RANBP2: variants seen among roughly 807,000 people sequenced by gnomAD.
The protein encoded by RANBP2 is E3 SUMO-protein ligase RanBP2.
A neutral mutation model predicts 303.6 loss-of-function variants in RANBP2; 57 were observed. That is an observed-to-expected ratio of 0.19 (90% CI 0.15 to 0.23). RANBP2 has a LOEUF of 0.23. Ranked by LOEUF, RANBP2 falls within the 10% of genes least tolerant of loss-of-function variation. The pLI, the probability that RANBP2 is intolerant of heterozygous loss-of-function variation, is 1.00. For missense variants in RANBP2, 3,138 were observed against 3,780.8 expected, an observed-to-expected ratio of 0.83 and a Z score of 4.46; for synonymous variants, 1,167 against 1,301.5, an observed-to-expected ratio of 0.90 and a Z score of 2.23.
chr2:109,505,913 G>T, the RANBP2 span, among the ~76,000 whole-genome samples: 1 of 152,202 alleles, frequency 6.6e-6, no homozygotes, highest in African/African-American at 2.4e-5. Context: ...TGGAGAGGGT[G>T]CCTGGCAGGC....
At chr2:109,433,996 C>T in the RANBP2 span, among the ~76,000 whole-genome samples, 1 of 152,084 alleles carries the variant, frequency 6.6e-6, no homozygotes, top group African/African-American at 2.4e-5. Context: ...GTGTGCGCAG[C>T]CCCGAAGAAG....
chr2:109,585,208 C>T, the RANBP2 span: 1 of 1,612,708 alleles, frequency 6.2e-7, no homozygotes, highest in South Asian at 1.1e-5. Flanking sequence ...TCCTGGAGTT[C>T]ATATGTCTGA....
downstream of RANBP2, among the ~76,000 whole-genome samples, chr2:108,787,222 T>G (rs1436796457): frequency 2.0e-5 from 3 of 152,250 alleles, no homozygotes; most frequent in African/African-American, 7.2e-5. Flanking sequence ...AACAATTGAA[T>G]TGCTTTTTAA....
chr2:109,357,250 C>T, the RANBP2 span, among the ~76,000 whole-genome samples: 966 of 151,898 alleles, frequency 6.4e-3, 10 homozygotes, highest in East Asian at 0.047. Flanking sequence ...GGCACGATCT[C>T]GGCTTGCTGC....
At chr2:109,530,640 G>T in the RANBP2 span, among the ~76,000 whole-genome samples, 1 of 152,220 alleles carries the variant, frequency 6.6e-6, no homozygotes, top group Admixed American at 6.5e-5. Flanking sequence ...AGCCGAGGGG[G>T]CATGTGCTGT....
the RANBP2 span, among the ~76,000 whole-genome samples, chr2:109,069,935 T>C: frequency 6.6e-6 from 1 of 152,242 alleles, no homozygotes; most frequent in Non-Finnish European, 1.5e-5. Context: ...AGCACAGGAA[T>C]AAGCAGTGTA....
chr2:109,646,083 C>T, the RANBP2 span, among the ~76,000 whole-genome samples: 6 of 152,166 alleles, frequency 3.9e-5, no homozygotes, highest in South Asian at 2.1e-4. Flanking sequence ...TTCCCTCCTC[C>T]GGCATTTGGT....
the RANBP2 span, among the ~76,000 whole-genome samples, chr2:109,587,165 T>A: frequency 6.6e-6 from 1 of 152,138 alleles, no homozygotes; most frequent in East Asian, 1.9e-4. Context: ...TGACGGGGAA[T>A]TACAGAAAGA....
the RANBP2 span, among the ~76,000 whole-genome samples, chr2:109,142,042 CT>C: frequency 8.9e-6 from 1 of 112,886 alleles, no homozygotes; most frequent in Non-Finnish European, 2.2e-5. Context: ...CTTGAGTCTC[CT>C]GGGGGGGGGG....
At chr2:108,921,255 C>A in the RANBP2 span, among the ~76,000 whole-genome samples, 1 of 152,144 alleles carries the variant, frequency 6.6e-6, no homozygotes, top group African/African-American at 2.4e-5. Flanking sequence ...GAGACCCTGA[C>A]ACTGACCTGG....
chr2:109,031,528 C>T, the RANBP2 span, among the ~76,000 whole-genome samples: 1 of 152,242 alleles, frequency 6.6e-6, no homozygotes, highest in Non-Finnish European at 1.5e-5. Context: ...TCGGCTCTGC[C>T]CGCCTCGCCG....
chr2:108,979,467 T>TCTCACA, the RANBP2 span, among the ~76,000 whole-genome samples: 617 of 147,208 alleles, frequency 4.2e-3, 2 homozygotes, highest in African/African-American at 9.5e-3. Context: ...TCTCTCTCTC[T>TCTCACA]CACACACACA....
chr2:109,146,902 G>A, the RANBP2 span, among the ~76,000 whole-genome samples: 1 of 26,744 alleles, frequency 3.7e-5, no homozygotes, highest in East Asian at 1.2e-3. Flanking sequence ...CCCCCCCCCC[G>A]CCCCAATATC....
At chr2:109,502,415 T>C in the RANBP2 span, 1 of 152,240 alleles carries the variant, frequency 6.6e-6, no homozygotes, top group African/African-American at 2.4e-5. Context: ...TGCTGCCTTT[T>C]TGTAAAACTA....
chr2:109,005,952 A>G, the RANBP2 span, among the ~76,000 whole-genome samples: 1 of 152,154 alleles, frequency 6.6e-6, no homozygotes, highest in Non-Finnish European at 1.5e-5. Context: ...CCATGTGTTC[A>G]GCTGAAAAGA....
chr2:108,949,610 A>G, the RANBP2 span, among the ~76,000 whole-genome samples: 1 of 152,208 alleles, frequency 6.6e-6, no homozygotes, highest in South Asian at 2.1e-4. Flanking sequence ...AAATGTGATG[A>G]GATTTCTCCC....
chr2:109,550,146 T>C, the RANBP2 span, among the ~76,000 whole-genome samples: 4 of 151,566 alleles, frequency 2.6e-5, no homozygotes, highest in African/African-American at 7.3e-5. Context: ...CAAAATTAGC[T>C]GGGCATGGTG....
chr2:109,766,418 G>A, the RANBP2 span, among the ~76,000 whole-genome samples: 3 of 150,522 alleles, frequency 2.0e-5, no homozygotes, highest in African/African-American at 7.3e-5. Context: ...GACTCCAGCT[G>A]GGCTGGGGCC....
At chr2:108,814,051 A>G in the RANBP2 span, among the ~76,000 whole-genome samples, 1 of 152,186 alleles carries the variant, frequency 6.6e-6, no homozygotes, top group African/African-American at 2.4e-5. Flanking sequence ...TGCTACGAAT[A>G]TTGGTGTACA....
Sources: allele counts gnomAD v4.1 joint callset (sites outside exome capture counted in the v4.1 genomes callset), GRCh38; gene constraint gnomAD v4.1.1; transcripts MANE v1.5; gene names NCBI Gene and HGNC (gene_info 2026-07-23, HGNC 2026-07-21).